SGCZ: variants seen among roughly 807,000 people sequenced by gnomAD.
SGCZ encodes zeta-sarcoglycan.
Under a neutral mutation model 41.3 loss-of-function variants are expected in SGCZ, and 40 were observed. The observed-to-expected ratio is 0.97, with a 90% CI of 0.75 to 1.26. The LOEUF (loss-of-function observed/expected upper bound fraction) is 1.26, where lower values mean the gene tolerates loss of function less well. Ranked by LOEUF, SGCZ falls within the 50% of genes most tolerant of loss-of-function variation. The pLI is 0.00. For missense variants in SGCZ, 552 were observed against 369.8 expected, an observed-to-expected ratio of 1.49 and a Z score of -4.04; for synonymous variants, 206 against 137.5, an observed-to-expected ratio of 1.50 and a Z score of -3.49.
chr8:15,226,106 G>A (rs572426714), intron 1 of SGCZ, among the ~76,000 whole-genome samples: 1 of 152,268 alleles, frequency 6.6e-6, no homozygotes, highest in Admixed American at 6.5e-5. Flanking sequence ...CTAACAAACT[G>A]AGTACATTGA....
At chr8:15,106,204 G>A (rs1207885795) in intron 1 of SGCZ, among the ~76,000 whole-genome samples, 2 of 151,922 alleles carry the variant, frequency 1.3e-5, no homozygotes, top group Non-Finnish European at 2.9e-5. Flanking sequence ...AGTAAATGAT[G>A]TGTTGTACAT....
intron 1 of SGCZ, among the ~76,000 whole-genome samples, chr8:14,924,176 C>A (rs925892644): frequency 2.0e-5 from 3 of 152,122 alleles, no homozygotes; most frequent in Admixed American, 6.6e-5. Context: ...TTTGTTGTTC[C>A]CACAGTAGTG....
chr8:15,124,245 T>G (rs1807593211), intron 1 of SGCZ, among the ~76,000 whole-genome samples: 1 of 152,196 alleles, frequency 6.6e-6, no homozygotes, highest in South Asian at 2.1e-4. Context: ...GCAGTGAGCC[T>G]GCTCCAATAT....
At chr8:14,114,208 A>C (rs1158979218) in intron 5 of SGCZ, among the ~76,000 whole-genome samples, 1 of 152,042 alleles carries the variant, frequency 6.6e-6, no homozygotes, top group Non-Finnish European at 1.5e-5. Flanking sequence ...CATGAATAAA[A>C]TAATTAACAA....
chr8:14,571,124 TTGG>T (rs1804539001), intron 1 of SGCZ, among the ~76,000 whole-genome samples: 1 of 152,120 alleles, frequency 6.6e-6, no homozygotes, highest in Admixed American at 6.5e-5. Context: ...ACTTACAATC[TTGG>T]TGGAAGGTGA....
Position 14,854,021 on chromosome 8 carries a change from T to TTATATGTA in SGCZ, c.40-299096_40-299095insTACATATA, listed in dbSNP as rs1554512086. On this transcript the variant is annotated intron_variant, in intron 1 of 7. Coordinates refer to ENST00000382080, the MANE Select transcript of SGCZ (RefSeq NM_139167.4). ...CGACATCAGTTTCTATGTGATTATA[T>TTATATGTA]TATATATATATATATATATATATAT... 2.8e-5 allele frequency among the ~76,000 whole-genome samples: 3 copies of TTATATGTA among 107,672 alleles called. No individual in the cohort carries two copies. The Admixed American group carries it at 2.9e-4, about 10-fold the overall frequency. The allele number at this position is 107,672 out of a possible 152,430, so 70.6% of individuals were successfully genotyped here. A position where few individuals can be genotyped will look rare whatever the true frequency, so the allele number is the denominator to read the frequency against.
At chr8:14,783,208 C>T (rs1009041636) in intron 1 of SGCZ, among the ~76,000 whole-genome samples, 7 of 152,088 alleles carry the variant, frequency 4.6e-5, no homozygotes, top group Non-Finnish European at 7.4e-5. Context: ...CCGAGGTGGG[C>T]GGATCACTTG....
At chr8:15,174,313 T>C (rs528715494) in intron 1 of SGCZ, among the ~76,000 whole-genome samples, 1 of 152,356 alleles carries the variant, frequency 6.6e-6, no homozygotes, top group African/African-American at 2.4e-5. Context: ...CCAATTATTC[T>C]GTCAATTGAC....
intron 5 of SGCZ, among the ~76,000 whole-genome samples, chr8:14,152,615 CAA>C (rs904396210): frequency 6.6e-6 from 1 of 151,916 alleles, no homozygotes; most frequent in Non-Finnish European, 1.5e-5. Flanking sequence ...AATCATTCTG[CAA>C]AAAAAGTTTA....
chr8:14,625,061 T>C (rs1185137168), intron 1 of SGCZ, among the ~76,000 whole-genome samples: 1 of 152,200 alleles, frequency 6.6e-6, no homozygotes, highest in Non-Finnish European at 1.5e-5. Context: ...TGTGTCTTAA[T>C]AAACATACAT....
intron 1 of SGCZ, among the ~76,000 whole-genome samples, chr8:15,104,338 G>C (rs1245979368): frequency 1.3e-5 from 2 of 152,158 alleles, no homozygotes; most frequent in African/African-American, 4.8e-5. Context: ...CAAAGCATTA[G>C]ATAAAAGCTA....
chr8:14,215,633 C>T (rs909633469), intron 4 of SGCZ, among the ~76,000 whole-genome samples: 1 of 151,998 alleles, frequency 6.6e-6, no homozygotes, highest in Admixed American at 6.6e-5. Flanking sequence ...GGCACAAAAT[C>T]ACCAATATCA....
intron 2 of SGCZ, among the ~76,000 whole-genome samples, chr8:14,518,109 G>T (rs1802678972): frequency 6.6e-6 from 1 of 151,572 alleles, no homozygotes; most frequent in African/African-American, 2.4e-5. Flanking sequence ...CAATATATTT[G>T]CTCATAGATT....
At chr8:14,923,974 T>C (rs926741274) in intron 1 of SGCZ, among the ~76,000 whole-genome samples, 3 of 152,148 alleles carry the variant, frequency 2.0e-5, no homozygotes, top group African/African-American at 7.2e-5. Flanking sequence ...AGGCAGCAAC[T>C]TCTGGAAAAT....
intron 4 of SGCZ, among the ~76,000 whole-genome samples, chr8:14,186,020 C>T (rs1324620038): frequency 6.6e-6 from 1 of 152,104 alleles, no homozygotes; most frequent in Admixed American, 6.5e-5. Flanking sequence ...CCAATACAAC[C>T]TTTGAGTTGC....
chr8:14,583,856 C>T (rs1021080609), intron 1 of SGCZ, among the ~76,000 whole-genome samples: 1 of 151,586 alleles, frequency 6.6e-6, no homozygotes, highest in East Asian at 1.9e-4. Flanking sequence ...AATAATTTAG[C>T]TTTTATTTAT....
At chr8:15,184,613 G>T (rs1330902946) in intron 1 of SGCZ, among the ~76,000 whole-genome samples, 1 of 152,072 alleles carries the variant, frequency 6.6e-6, no homozygotes, top group Non-Finnish European at 1.5e-5. Context: ...CAGGCAACGG[G>T]AGTCCCCAGC....
intron 1 of SGCZ, among the ~76,000 whole-genome samples, chr8:14,988,256 C>T (rs1017731960): frequency 8.6e-5 from 11 of 127,264 alleles, no homozygotes; most frequent in African/African-American, 3.0e-4. Context: ...ACAAATACTC[C>T]ATCTTCTAAA....
intron 4 of SGCZ, among the ~76,000 whole-genome samples, chr8:14,212,310 T>C (rs113867054): frequency 2.6e-5 from 4 of 152,170 alleles, no homozygotes; most frequent in African/African-American, 9.6e-5. Context: ...CTCTCTTTCC[T>C]ATGGCCACGG....
Sources: allele counts gnomAD v4.1 joint callset (sites outside exome capture counted in the v4.1 genomes callset), GRCh38; gene constraint gnomAD v4.1.1; transcripts MANE v1.5; gene names NCBI Gene and HGNC (gene_info 2026-07-23, HGNC 2026-07-21).